The following ZNF138 variants were observed in gnomAD, a reference collection of about 807,000 sequenced individuals.
ZNF138 encodes zinc finger protein 138, also known as zinc finger protein 138 (clone pHZ-32).
ZNF138 carries 33 observed loss-of-function variants against 33.0 expected under a neutral mutation model. The observed-to-expected ratio is 1.00, with a 90% confidence interval of 0.76 to 1.34. The LOEUF is 1.34. Among genes scored for constraint, ZNF138 ranks in the 40% most tolerant of loss-of-function variants. The pLI is 0.00. For missense variants in ZNF138, 360 were observed against 370.8 expected (o/e 0.97, Z 0.24); for synonymous variants, 139 against 120.4 (o/e 1.15, Z -1.01).
chr7:64,794,728 A>G (rs1318311349), intron 1 of ZNF138, among the ~76,000 whole-genome samples, 157 bp downstream of exon 1: 2 of 152,196 alleles, frequency 1.3e-5, no homozygotes, highest in Non-Finnish European at 2.9e-5. Flanking sequence ...CCCTTAAGCC[A>G]TAGCATGGCA....
the ZNF138 span, among the ~76,000 whole-genome samples, chr7:64,844,068 C>T: frequency 6.6e-6 from 1 of 152,142 alleles, no homozygotes; most frequent in Admixed American, 6.5e-5. Flanking sequence ...TGTGATCTGC[C>T]CGCCTTGACC....
At chr7:64,794,989 C>CAATT (rs914495431) in intron 1 of ZNF138, among the ~76,000 whole-genome samples, 13 of 152,164 alleles carry the variant, frequency 8.5e-5, no homozygotes, top group Admixed American at 2.6e-4. Flanking sequence ...TTAATTTAAT[C>CAATT]AAACAGTGAT....
At chr7:64,830,063 T>A (rs1161100151) in intron 3 of ZNF138, among the ~76,000 whole-genome samples, 2 of 152,172 alleles carry the variant, frequency 1.3e-5, no homozygotes, top group African/African-American at 2.4e-5. Context: ...ACAGCTGTTT[T>A]CTTCAGGACT....
At chr7:64,845,544 A>C in the ZNF138 span, among the ~76,000 whole-genome samples, 1 of 152,230 alleles carries the variant, frequency 6.6e-6, no homozygotes, top group African/African-American at 2.4e-5. Context: ...TCCCACCAGC[A>C]GTGTAGAAGT....
rs1007926614 is a variant in ZNF138, at chr7:64,810,563, T to TAACATA, written c.4-4355_4-4354insAACATA. Reference sequence around the variant, plus strand: ...GAAAACCCTAAGAGATTTGTTTAAATTGCTTATTAGTATATGTTATAAAAT... The same window carrying TAACATA: ...GAAAACCCTAAGAGATTTGTTTAAATAACATATGCTTATTAGTATATGTTATAAAAT... On this transcript the variant is annotated intron_variant, in intron 1 of 3. Coordinates refer to ENST00000307355, the MANE Select transcript of ZNF138 (RefSeq NM_001271639.2). 1.6e-4 allele frequency among the ~76,000 whole-genome samples: 13 copies of TAACATA among 79,428 alleles called. No individual in the cohort carries two copies. The East Asian group carries it at 5.0e-3, about 31-fold the overall frequency. 52.1% of individuals were successfully genotyped at this position (79,428 alleles called of 152,430 possible). A position where few individuals can be genotyped will look rare whatever the true frequency, so the allele number is the denominator to read the frequency against.
chr7:64,805,411 C>CAAAAAAAA (rs372794890), intron 1 of ZNF138, among the ~76,000 whole-genome samples: 8 of 126,992 alleles, frequency 6.3e-5, no homozygotes, highest in South Asian at 2.5e-4. Context: ...AAAAACAAAA[C>CAAAAAAAA]AAAAAAAAAA....
chr7:64,819,898 C>A (rs1016529021), intron 3 of ZNF138, among the ~76,000 whole-genome samples: 2 of 150,198 alleles, frequency 1.3e-5, no homozygotes, highest in African/African-American at 5.0e-5. Context: ...CATGGAGATT[C>A]AACTACAAAT....
chr7:64,859,876 C>G, the ZNF138 span, among the ~76,000 whole-genome samples: 1 of 152,162 alleles, frequency 6.6e-6, no homozygotes. Context: ...CGGTGGCTCA[C>G]GCCTGTAATC....
intron 1 of ZNF138, among the ~76,000 whole-genome samples, chr7:64,807,766 T>A (rs1452909468): frequency 6.6e-6 from 1 of 152,196 alleles, no homozygotes; most frequent in Non-Finnish European, 1.5e-5. Context: ...GCTTTTCAGA[T>A]CTTGTTCAGT....
In ZNF138 at chr7:64,831,903, A is replaced by G. The variant is rs746668328; in HGVS notation, c.661A>G (p.Lys221Glu). Reference sequence around the variant, plus strand: ...ACCTAAGAAAATTCATACTGGAGAAAAACCCTACAAATGTGAAGTATGTGG... The same window carrying G: ...ACCTAAGAAAATTCATACTGGAGAAGAACCCTACAAATGTGAAGTATGTGG... Reference protein sequence around the residue: ...SKPKKIHTGEKPYKCEVCGKA... With the variant: ...SKPKKIHTGEEPYKCEVCGKA... Residue 221 changes from lysine to glutamate, a missense_variant, in exon 4 of 4, where the codon AAA becomes GAA. Physicochemically the swap from Lys to Glu is moderately conservative, Grantham distance 56. Coordinates refer to ENST00000307355, the MANE Select transcript of ZNF138 (RefSeq NM_001271639.2). The G allele has an allele frequency of 7.4e-6, 12 of 1,613,738 alleles. No individual in the cohort carries two copies. Among genetic ancestry groups the G allele is most frequent in the Admixed American group, 6.7e-5 (4 of 59,988 alleles).
chr7:64,801,890 G>C (rs963899693), intron 1 of ZNF138, among the ~76,000 whole-genome samples: 1 of 152,158 alleles, frequency 6.6e-6, no homozygotes, highest in Non-Finnish European at 1.5e-5. Context: ...AAGTTAAGCT[G>C]GGAACGGGGT....
chr7:64,837,500 G>A (rs192561155), downstream of ZNF138, among the ~76,000 whole-genome samples: 10 of 152,250 alleles, frequency 6.6e-5, no homozygotes, highest in Admixed American at 5.2e-4. Flanking sequence ...AGAGGAAGGG[G>A]CGCCTGTATA....
chr7:64,847,014 G>A, the ZNF138 span, among the ~76,000 whole-genome samples: 1 of 152,116 alleles, frequency 6.6e-6, no homozygotes, highest in Non-Finnish European at 1.5e-5. Flanking sequence ...CATCTATTGA[G>A]ATAATCGTGA....
At chr7:64,844,233 C>A in the ZNF138 span, among the ~76,000 whole-genome samples, 10 of 152,160 alleles carry the variant, frequency 6.6e-5, no homozygotes, top group African/African-American at 1.9e-4. Flanking sequence ...GTGTGCCCAA[C>A]CTGTTGTTAT....
At chr7:64,799,298 C>G (rs1340432646) in intron 1 of ZNF138, among the ~76,000 whole-genome samples, 1 of 152,032 alleles carries the variant, frequency 6.6e-6, no homozygotes, top group Non-Finnish European at 1.5e-5. Flanking sequence ...TCCTGAGTAG[C>G]TGGGATTACA....
chr7:64,803,047 A>G (rs1787279126), intron 1 of ZNF138, among the ~76,000 whole-genome samples: 1 of 152,188 alleles, frequency 6.6e-6, no homozygotes, highest in Non-Finnish European at 1.5e-5. Context: ...ATTAGAAATA[A>G]GAGGGTTTAT....
At position 64,832,460 on chromosome 7, in the gene ZNF138, T is replaced by C; in HGVS notation, c.*258T>C. 7.4e-7 allele frequency: 1 copy of C among 1,358,692 alleles called. No individual in the cohort carries two copies. The highest frequency in any genetic ancestry group is 9.7e-7 in the Non-Finnish European group (1 of 1,028,776). 84.2% of individuals were successfully genotyped at this position (1,358,692 alleles called of 1,614,324 possible). A position where few individuals can be genotyped will look rare whatever the true frequency, so the allele number is the denominator to read the frequency against. On this transcript the variant is annotated 3_prime_UTR_variant, in exon 4 of 4. Coordinates refer to ENST00000307355, the MANE Select transcript of ZNF138 (RefSeq NM_001271639.2). The stretch of plus-strand genomic sequence containing the variant: ...AAGCTTTTCACCGATACTCAATCCT[T>C]AGTACACATAAGAAAATTCATACTG...
intron 1 of ZNF138, among the ~76,000 whole-genome samples, chr7:64,812,536 G>A (rs1788261268): frequency 1.3e-5 from 2 of 152,192 alleles, no homozygotes; most frequent in South Asian, 4.1e-4. Flanking sequence ...GGACAGAGCA[G>A]TGTGGCCCAT....
At chr7:64,798,283 G>C (rs1205697430) in intron 1 of ZNF138, among the ~76,000 whole-genome samples, 1 of 152,206 alleles carries the variant, frequency 6.6e-6, no homozygotes, top group East Asian at 1.9e-4. Context: ...CCTGAAGTCA[G>C]CAAGTTTTTA....
Sources: gnomAD v4.1 joint callset for allele counts (sites outside exome capture counted in the v4.1 genomes callset) on GRCh38, gnomAD v4.1.1 for gene constraint, MANE v1.5 for transcripts, NCBI Gene and HGNC (gene_info 2026-07-23, HGNC 2026-07-21) for gene names.